The following SCUBE1 variants were observed in gnomAD, a reference collection of about 807,000 sequenced individuals.
The protein encoded by SCUBE1 is signal peptide, CUB and EGF-like domain-containing protein 1.
In SCUBE1, 59 loss-of-function variants were observed where a neutral mutation model predicts 124.4. That is an observed-to-expected ratio of 0.47 (90% CI 0.38 to 0.59). The LOEUF is 0.59. Ranked by LOEUF, SCUBE1 falls within the 20% of genes least tolerant of loss-of-function variation. SCUBE1 has a pLI of 0.00. For synonymous variants in SCUBE1, 545 were observed against 550.9 expected (o/e 0.99, Z 0.15); for missense variants, 1,150 against 1,371.2 (o/e 0.84, Z 2.55).
At position 43,320,064 on chromosome 22, in the gene SCUBE1, G is replaced by A. The variant is rs1186883497; in HGVS notation, c.222C>T (p.Asp74=). 6.2e-7 allele frequency: 1 copy of A among 1,613,946 alleles called. No homozygotes were observed. Among genetic ancestry groups the A allele is most frequent in the Admixed American group, 1.7e-5 (1 of 60,004 alleles). Residue 74 remains aspartate, a splice_region_variant and synonymous_variant, in exon 3 of 22, where the codon GAC becomes GAT. Coordinates refer to ENST00000360835, the MANE Select transcript of SCUBE1 (RefSeq NM_173050.5). ...GYKGEGKQCE[D]IDECENDYYN... Reference sequence around the variant, plus strand: ...AGTAGTCATTCTCACACTCGTCAATGTCTGCAAAAGGAAGGGCATGAGAGG... The same window carrying A: ...AGTAGTCATTCTCACACTCGTCAATATCTGCAAAAGGAAGGGCATGAGAGG...
rs555298011 is a variant in SCUBE1, at chr22:43,292,437, A to G, written c.350-1257T>C. ...CCCTGCTCTGTCAGTTTGTTTAATG[A>G]AAGAAGGGCTTCTTAAACCTTAATG... On this transcript the variant is annotated intron_variant, in intron 3 of 21. Transcript: ENST00000360835. 3.3e-5 allele frequency among the ~76,000 whole-genome samples: 5 copies of G among 152,278 alleles called. No homozygotes were observed. In the East Asian group the frequency reaches 9.6e-4, roughly 29 times the overall value.
At chr22:43,256,241 T>C (rs541013273) in intron 6 of SCUBE1, among the ~76,000 whole-genome samples, 7 of 152,218 alleles carry the variant, frequency 4.6e-5, no homozygotes, top group Non-Finnish European at 8.8e-5. Context: ...GGGCTAAACA[T>C]TCAAGTGCTC....
rs77005228 is a variant in SCUBE1 at position 43,241,758 on chromosome 22, C to T, written c.728-2804G>A. Among the ~76,000 whole-genome samples, 1,519 of 152,358 alleles carry T rather than the reference C, an allele frequency of 1.0e-2. 24 individuals are homozygous for T. The highest frequency in any genetic ancestry group is 0.034 in the African/African-American group (1,432 of 41,580). Reference sequence around the variant, plus strand: ...CAGTGTCCTCCTGCAACTGTCACTACCTCCCATGGTCCCTCCTTCAGACCA... The same window carrying T: ...CAGTGTCCTCCTGCAACTGTCACTATCTCCCATGGTCCCTCCTTCAGACCA... On this transcript the variant is annotated intron_variant, in intron 6 of 21. Coordinates refer to ENST00000360835, the MANE Select transcript of SCUBE1 (RefSeq NM_173050.5).
intron 21 of SCUBE1, among the ~76,000 whole-genome samples, chr22:43,204,449 C>T (rs571964864): frequency 6.6e-6 from 1 of 152,036 alleles, no homozygotes; most frequent in East Asian, 2.0e-4. Context: ...TAGGCATGCA[C>T]CACCACACCT....
At chr22:43,343,002 T>C (rs1927379350) in intron 1 of SCUBE1, among the ~76,000 whole-genome samples, 172 bp downstream of exon 1, 1 of 140,172 alleles carries the variant, frequency 7.1e-6, no homozygotes, top group Non-Finnish European at 1.6e-5. Context: ...CCGCCCGGGC[T>C]GCGGGGAGGG....
rs113780302 is a variant in SCUBE1, at chr22:43,209,238, T to C, written c.2581+805A>G. ...CCCCTCATCTGGCCGGTCTCTGTGG[T>C]CACTGGGTACCCAGAGATGTTCTCT... On this transcript the variant is annotated intron_variant, in intron 19 of 21. Transcript: ENST00000360835. 4.3e-3 allele frequency among the ~76,000 whole-genome samples: 662 copies of C among 152,262 alleles called. 5 individuals are homozygous for C. The highest frequency in any genetic ancestry group is 0.015 in the African/African-American group (634 of 41,542).
chr22:43,322,538 C>G (rs1035861430), intron 2 of SCUBE1, among the ~76,000 whole-genome samples: 5 of 152,172 alleles, frequency 3.3e-5, no homozygotes, highest in African/African-American at 1.2e-4. Flanking sequence ...TTTTCTACAC[C>G]CTTAATATCG....
At chr22:43,228,965 C>T (rs1922438339) in intron 9 of SCUBE1, 107 bp downstream of exon 9, 1 of 790,638 alleles carries the variant, frequency 1.3e-6, no homozygotes, top group Non-Finnish European at 2.1e-6. Context: ...AGGCCTCAGG[C>T]CCCCCAGGGT....
chr22:43,284,620 C>T (rs1201307993), intron 4 of SCUBE1, among the ~76,000 whole-genome samples: 1 of 152,238 alleles, frequency 6.6e-6, no homozygotes, highest in African/African-American at 2.4e-5. Context: ...GTTCCCTAAC[C>T]TCTCAGTGCC....
intron 6 of SCUBE1, among the ~76,000 whole-genome samples, chr22:43,252,390 C>T (rs986321279): frequency 6.6e-6 from 1 of 152,224 alleles, no homozygotes; most frequent in Non-Finnish European, 1.5e-5. Flanking sequence ...AAGAGATGGC[C>T]ACTTTGGCTT....
At chr22:43,246,746 T>A (rs938986258) in intron 6 of SCUBE1, among the ~76,000 whole-genome samples, 3 of 152,214 alleles carry the variant, frequency 2.0e-5, no homozygotes, top group Non-Finnish European at 4.4e-5. Flanking sequence ...GCCCCGGAGA[T>A]GTGGCTGAGG....
At chr22:43,206,137 G>A (rs1468377721) in intron 21 of SCUBE1, among the ~76,000 whole-genome samples, 2 of 16,120 alleles carry the variant, frequency 1.2e-4, no homozygotes, top group East Asian at 1.7e-3. Flanking sequence ...TACACACACC[G>A]CCTCCATTCA....
chr22:43,212,510 G>T lies in SCUBE1; in HGVS notation c.2136C>A (p.Pro712=). ...ACPVGTYQPE[P]GRTGCFPCGG... ...CACAGGGGAAGCAGCCGGTGCGCCC[G>T]GGCTCAGGCTGGTACGTGCCCACGG... The change falls in exon 17 of 22, where the codon CCC becomes CCA. Residue 712 remains proline (P), a synonymous_variant. Coordinates refer to ENST00000360835, the MANE Select transcript of SCUBE1 (RefSeq NM_173050.5). The T allele has an allele frequency of 6.4e-7, 1 of 1,558,184 alleles. No homozygotes were observed. The highest frequency in any genetic ancestry group is 1.4e-5 in the African/African-American group (1 of 73,512).
chr22:43,257,670 G>A (rs866576900), intron 6 of SCUBE1, among the ~76,000 whole-genome samples: 4 of 152,144 alleles, frequency 2.6e-5, no homozygotes, highest in Non-Finnish European at 5.9e-5. Context: ...CCACACCCAC[G>A]CAGGGCCCAC....
At chr22:43,300,047 T>C (rs1925709609) in intron 3 of SCUBE1, among the ~76,000 whole-genome samples, 1 of 152,218 alleles carries the variant, frequency 6.6e-6, no homozygotes, top group African/African-American at 2.4e-5. Context: ...ATCCGGGTTG[T>C]GCTGGCTTTG....
At chr22:43,249,786 C>A (rs1029462554) in intron 6 of SCUBE1, among the ~76,000 whole-genome samples, 1 of 152,220 alleles carries the variant, frequency 6.6e-6, no homozygotes, top group African/African-American at 2.4e-5. Flanking sequence ...TGCAGCCACG[C>A]GGCCCAGAGG....
chr22:43,343,357 C>A lies in SCUBE1; in HGVS notation c.-96G>T, dbSNP rs1198651283. 3.8e-6 allele frequency: 2 copies of A among 522,024 alleles called. No individual in the cohort carries two copies. The highest frequency in any genetic ancestry group is 5.8e-5 in the Admixed American group (1 of 17,102). The allele number at this position is 522,024 out of a possible 1,614,324, so 32.3% of individuals were successfully genotyped here. A position where few individuals can be genotyped will look rare whatever the true frequency, so the allele number is the denominator to read the frequency against. ...AGGCGCTGCTCGCTGCTCGCCGCTC[C>A]GCCACCGCTCGGGCTCCCGAGCCGC... On this transcript the variant is annotated 5_prime_UTR_variant, in exon 1 of 22. Coordinates refer to ENST00000360835, the MANE Select transcript of SCUBE1 (RefSeq NM_173050.5).
intron 5 of SCUBE1, among the ~76,000 whole-genome samples, chr22:43,260,237 G>A (rs749154334): frequency 6.6e-6 from 1 of 152,200 alleles, no homozygotes; most frequent in South Asian, 2.1e-4. Flanking sequence ...AACTCGAAGG[G>A]GATCCAGGCT....
chr22:43,207,451 CAGGGCT>C (rs754039033), intron 21 of SCUBE1, 77 bp downstream of exon 21: 383 of 1,090,128 alleles, frequency 3.5e-4, no homozygotes, highest in Non-Finnish European at 5.2e-4. Flanking sequence ...CTCCAGGGGC[CAGGGCT>C]GGGGCAGGGG....
Sources: gnomAD v4.1 joint callset for allele counts (sites outside exome capture counted in the v4.1 genomes callset) on GRCh38, gnomAD v4.1.1 for gene constraint, MANE v1.5 for transcripts, NCBI Gene and HGNC (gene_info 2026-07-23, HGNC 2026-07-21) for gene names.